LMBRD2: variants seen among roughly 807,000 people sequenced by gnomAD.
LMBRD2 encodes the protein G protein-coupled receptor-associated protein LMBRD2.
A neutral mutation model predicts 94.4 loss-of-function variants in LMBRD2; 55 were observed. The ratio of observed to expected loss-of-function variants is 0.58; its 90% CI spans 0.47 to 0.73. The LOEUF (loss-of-function observed/expected upper bound fraction) is 0.73, where lower values mean the gene tolerates loss of function less well. Ranked by LOEUF, LMBRD2 falls within the 30% of genes least tolerant of loss-of-function variation. The probability of loss-of-function intolerance (pLI) is 0.00; values close to 1 mark genes in which losing one functional copy is unlikely to be tolerated. For missense variants in LMBRD2, 640 were observed against 831.9 expected, an observed-to-expected ratio of 0.77 and a Z score of 2.84; for synonymous variants, 246 against 272.4, an observed-to-expected ratio of 0.90 and a Z score of 0.95.
At chr5:36,142,227 C>G (rs551400947) in intron 3 of LMBRD2, among the ~76,000 whole-genome samples, 3 of 152,244 alleles carry the variant, frequency 2.0e-5, no homozygotes, top group Admixed American at 6.5e-5. Context: ...AAATTACATA[C>G]TTGGTAAAGA....
At chr5:36,133,204 G>T (rs1017307552) in intron 6 of LMBRD2, among the ~76,000 whole-genome samples, 1 of 152,030 alleles carries the variant, frequency 6.6e-6, no homozygotes, top group East Asian at 1.9e-4. Context: ...ATACACAACA[G>T]AGTACTATTC....
chr5:36,125,176 T>C (rs911513554), intron 6 of LMBRD2, among the ~76,000 whole-genome samples: 27 of 152,130 alleles, frequency 1.8e-4, no homozygotes, highest in Non-Finnish European at 3.7e-4. Flanking sequence ...TTAGAACCAG[T>C]AGTTCCTAAG....
intron 6 of LMBRD2, among the ~76,000 whole-genome samples, chr5:36,124,964 A>T (rs1055642411): frequency 2.0e-5 from 3 of 152,262 alleles, no homozygotes; most frequent in Non-Finnish European, 4.4e-5. Flanking sequence ...TAAAATTTAA[A>T]AATAGAATAA....
chr5:36,140,222 C>T (rs549280792), intron 4 of LMBRD2, among the ~76,000 whole-genome samples: 2 of 152,226 alleles, frequency 1.3e-5, no homozygotes, highest in Non-Finnish European at 2.9e-5. Context: ...GACACCTGTG[C>T]CGATGCCTGG....
chr5:36,141,610 G>A (rs1023768207), intron 3 of LMBRD2, among the ~76,000 whole-genome samples: 3 of 151,600 alleles, frequency 2.0e-5, no homozygotes, highest in African/African-American at 7.3e-5. Flanking sequence ...GGTTATAGGG[G>A]TTGGGAGGGG....
chr5:36,104,353 G>C (rs1485144380), intron 17 of LMBRD2, among the ~76,000 whole-genome samples: 2 of 151,976 alleles, frequency 1.3e-5, no homozygotes, highest in African/African-American at 4.8e-5. Flanking sequence ...AAAGAAGGGG[G>C]CAGGGGATGT....
rs1425682052 is a variant in LMBRD2, at chr5:36,099,708, T to C, written c.*4338A>G. On this transcript the variant is annotated 3_prime_UTR_variant, in exon 18 of 18. Coordinates refer to ENST00000296603, the MANE Select transcript of LMBRD2 (RefSeq NM_001007527.2). ...TTCACAAAATAATCTGAGATCAAGA[T>C]AACCAAAAAAGGAAATATTTTCAGT... 14 of 152,056 alleles carry C rather than the reference T, an allele frequency of 9.2e-5. No individual in the cohort carries two copies. In the East Asian group the frequency reaches 2.5e-3, roughly 27 times the overall value. The allele number at this position is 152,056 out of a possible 1,614,324, so 9.4% of individuals were successfully genotyped here. A position where few individuals can be genotyped will look rare whatever the true frequency, so the allele number is the denominator to read the frequency against.
chr5:36,142,514 T>G lies in LMBRD2; in HGVS notation c.260A>C (p.Asn87Thr), dbSNP rs776342319. 1.3e-5 allele frequency: 21 copies of G among 1,589,152 alleles called. No individual in the cohort carries two copies. The highest frequency in any genetic ancestry group is 2.6e-6 in the Non-Finnish European group (3 of 1,157,552). The part of the protein sequence containing the change: ...SNITGLYATA[N>T]PVPSQHPCFK... The stretch of plus-strand genomic sequence containing the variant: ...AAAAAGGAAATACCTTGGAACAGGG[T>G]TAGCAGTTGCGTACAATCCTGTAAT... The change falls in exon 3 of 18, where the codon AAC (asparagine) becomes ACC (threonine). Residue 87 changes from asparagine (N) to threonine (T), a missense_variant. Physicochemically the swap from Asn to Thr is moderately conservative, Grantham distance 65. Coordinates refer to ENST00000296603, the MANE Select transcript of LMBRD2 (RefSeq NM_001007527.2).
chr5:36,133,534 G>T (rs1744201995), intron 6 of LMBRD2, among the ~76,000 whole-genome samples: 1 of 151,964 alleles, frequency 6.6e-6, no homozygotes, highest in Non-Finnish European at 1.5e-5. Context: ...AAATGCTTGA[G>T]GTGAAGAGCA....
At chr5:36,125,949 G>A (rs1457819775) in intron 6 of LMBRD2, among the ~76,000 whole-genome samples, 2 of 152,192 alleles carry the variant, frequency 1.3e-5, no homozygotes, top group South Asian at 2.1e-4. Context: ...GCCTCCAGGC[G>A]TAAGTGAGTA....
chr5:36,128,921 G>C (rs1170881321), intron 6 of LMBRD2, among the ~76,000 whole-genome samples: 1 of 152,152 alleles, frequency 6.6e-6, no homozygotes, highest in Non-Finnish European at 1.5e-5. Context: ...AAATAATCAA[G>C]TAGAAATTCT....
rs76423318 is a variant in LMBRD2, at chr5:36,119,776, C to T, written c.1121-1860G>A. Among the ~76,000 whole-genome samples, 3 of 152,248 alleles carry T rather than the reference C, an allele frequency of 2.0e-5. No individual in the cohort carries two copies. In the East Asian group the frequency reaches 5.8e-4, roughly 29 times the overall value. On this transcript the variant is annotated intron_variant, in intron 9 of 17. Transcript: ENST00000296603. Reference sequence around the variant, plus strand: ...CCTCCTCAAATCTCTAAAATCTCCTCTCCTATACTTACTCTCCACATTTCA... The same window carrying T: ...CCTCCTCAAATCTCTAAAATCTCCTTTCCTATACTTACTCTCCACATTTCA...
intron 3 of LMBRD2, 40 bp from the exon 4 acceptor site, chr5:36,141,242 C>G (rs1744403841): frequency 8.7e-7 from 1 of 1,143,894 alleles, no homozygotes; most frequent in South Asian, 1.3e-5. Flanking sequence ...TCATAAATGA[C>G]TACTTAAATG....
intron 5 of LMBRD2, 77 bp from the exon 6 acceptor site, chr5:36,136,596 A>C: frequency 8.4e-7 from 1 of 1,184,880 alleles, no homozygotes; most frequent in Non-Finnish European, 1.2e-6. Flanking sequence ...AGACTTTAAC[A>C]CAGGAGACAC....
intron 6 of LMBRD2, among the ~76,000 whole-genome samples, chr5:36,134,031 T>C (rs1376178707): frequency 6.6e-6 from 1 of 152,104 alleles, no homozygotes; most frequent in South Asian, 2.1e-4. Context: ...ATTTCTTTTA[T>C]CAAATATAAG....
At chr5:36,123,689 A>G (rs1156535945) in intron 7 of LMBRD2, among the ~76,000 whole-genome samples, 1 of 150,500 alleles carries the variant, frequency 6.6e-6, no homozygotes, top group Non-Finnish European at 1.5e-5. Flanking sequence ...TATTAAATAT[A>G]GTTAAGTTTA....
At chr5:36,109,907 A>G in intron 15 of LMBRD2, 38 bp downstream of exon 15, 2 of 1,435,192 alleles carry the variant, frequency 1.4e-6, no homozygotes, top group Non-Finnish European at 1.9e-6. Flanking sequence ...TAAATTTCAA[A>G]TTAATCTTCA....
intron 16 of LMBRD2, among the ~76,000 whole-genome samples, chr5:36,107,380 G>A (rs1035526865): frequency 3.9e-5 from 6 of 152,180 alleles, no homozygotes; most frequent in Non-Finnish European, 7.3e-5. Context: ...TTTTGAAAAT[G>A]GCTCATATTA....
intron 13 of LMBRD2, among the ~76,000 whole-genome samples, chr5:36,111,512 G>A (rs16902744): frequency 0.02 from 3,023 of 152,052 alleles, 101 homozygotes; most frequent in African/African-American, 0.069. Flanking sequence ...GTTAAGTCAA[G>A]TTATCAGCAT....
Sources: gnomAD v4.1 joint callset for allele counts (sites outside exome capture counted in the v4.1 genomes callset) on GRCh38, gnomAD v4.1.1 for gene constraint, MANE v1.5 for transcripts, NCBI Gene and HGNC (gene_info 2026-07-23, HGNC 2026-07-21) for gene names.